ZBTB40: variants seen among roughly 807,000 people sequenced by gnomAD.
The protein encoded by ZBTB40 is zinc finger and BTB domain-containing protein 40.
In ZBTB40, 60 loss-of-function variants were observed where a neutral mutation model predicts 117.5. The ratio of observed to expected loss-of-function variants is 0.51; its 90% confidence interval spans 0.41 to 0.63. The LOEUF (loss-of-function observed/expected upper bound fraction) is 0.63, where lower values mean the gene tolerates loss of function less well. ZBTB40 is among the 30% of genes least tolerant of loss of function. The pLI is 0.00. For synonymous variants in ZBTB40, 525 were observed against 577.1 expected (o/e 0.91, Z 1.29); for missense variants, 1,287 against 1,498.5 (o/e 0.86, Z 2.33).
At chr1:22,467,490 T>C (rs914968003) in intron 1 of ZBTB40, among the ~76,000 whole-genome samples, 1 of 152,210 alleles carries the variant, frequency 6.6e-6, no homozygotes, top group Non-Finnish European at 1.5e-5. Context: ...GTTTTTGTTT[T>C]TTGAGACAGA....
chr1:22,454,306 T>C (rs1640955629), intron 1 of ZBTB40, among the ~76,000 whole-genome samples: 1 of 152,188 alleles, frequency 6.6e-6, no homozygotes, highest in Non-Finnish European at 1.5e-5. Context: ...CTAGGTCCTG[T>C]GATTACCAGG....
At chr1:22,437,701 T>A (rs933754771) in intron 1 of ZBTB40, among the ~76,000 whole-genome samples, 26 of 151,502 alleles carry the variant, frequency 1.7e-4, no homozygotes, top group African/African-American at 6.3e-4. Context: ...ATTACAGGCG[T>A]GAGCCACTGT....
In ZBTB40 at chr1:22,511,929, G is replaced by T; in HGVS notation, c.2256G>T (p.Lys752Asn). The T allele has an allele frequency of 6.2e-7, 1 of 1,614,212 alleles. No homozygotes were observed. The highest frequency in any genetic ancestry group is 1.1e-5 in the South Asian group (1 of 91,078). The change falls in exon 11 of 18, where the codon AAG (lysine) becomes AAT (asparagine). Residue 752 changes from lysine to asparagine, a missense_variant. By Grantham distance (94) the Lys-to-Asn change is moderately conservative (BLOSUM62 0). This residue lies in a region of ZBTB40 where 870 missense variants were observed against 934.4 expected (regional missense o/e 0.93). Transcript: ENST00000375647. Reference protein sequence around the residue: ...DKSFHFYCRLKVHMKRCRVAK... With the variant: ...DKSFHFYCRLNVHMKRCRVAK... ...GCTTCCATTTCTACTGCCGCCTAAA[G>T]GTGCACATGAAGCGCTGCCGGGTGG...
chr1:22,511,137 C>T (rs200938396), intron 9 of ZBTB40, 42 bp from the exon 10 acceptor site: 119 of 1,573,590 alleles, frequency 7.6e-5, no homozygotes, highest in Non-Finnish European at 9.9e-5. Flanking sequence ...GGAAAATCTG[C>T]TGAGATTAAC....
intron 13 of ZBTB40, among the ~76,000 whole-genome samples, chr1:22,518,294 T>C (rs1639428928): frequency 1.3e-5 from 2 of 152,130 alleles, no homozygotes; most frequent in African/African-American, 4.8e-5. Flanking sequence ...AACAAATTTA[T>C]TTACCATTCT....
intron 5 of ZBTB40, among the ~76,000 whole-genome samples, chr1:22,502,724 C>T (rs1407752328): frequency 6.6e-6 from 1 of 151,888 alleles, no homozygotes; most frequent in African/African-American, 2.4e-5. Context: ...GATGGATGGA[C>T]GGACGGACGG....
chr1:22,469,343 A>G lies in ZBTB40; in HGVS notation c.-70+17339A>G, dbSNP rs887559072. On this transcript the variant is annotated intron_variant, in intron 1 of 17. Coordinates refer to ENST00000375647, the MANE Select transcript of ZBTB40 (RefSeq NM_014870.4). ...TTTTTTTAAGAGACACAGTCTCACT[A>G]TGTTGCCCAGGATAGAGTGTGGTGT... is the stretch of plus-strand genomic sequence containing the variant. 6.6e-5 allele frequency among the ~76,000 whole-genome samples: 10 copies of G among 152,062 alleles called. No homozygotes were observed. In the East Asian group the frequency reaches 9.7e-4, roughly 15 times the overall value.
rs11578835 is a variant in ZBTB40 at position 22,454,150 on chromosome 1, A to G, written c.-70+2146A>G. 2.1e-4 allele frequency among the ~76,000 whole-genome samples: 32 copies of G among 152,274 alleles called. No individual in the cohort carries two copies. In the Middle Eastern group the frequency reaches 0.017, roughly 81 times the overall value. On this transcript the variant is annotated intron_variant, in intron 1 of 17. Coordinates refer to ENST00000375647, the MANE Select transcript of ZBTB40 (RefSeq NM_014870.4). ...GTGTTTTTAGTAGAGACAGAGTTTC[A>G]CCATGTTGTTCAGGCTGGTCTTGAA...
At chr1:22,431,396 ATATATATATATATG>A (rs1364225390) in intron 1 of ZBTB40, among the ~76,000 whole-genome samples, 10 of 135,404 alleles carry the variant, frequency 7.4e-5, no homozygotes, top group African/African-American at 2.4e-4. Context: ...ATATATATAT[ATATATATATATATG>A]TATATATAGT....
rs117573953 is a variant in ZBTB40, at chr1:22,494,830, C to T, written c.831+3297C>T. Among the ~76,000 whole-genome samples, 563 of 152,212 alleles carry T rather than the reference C, an allele frequency of 3.7e-3. 29 individuals carry two copies. The East Asian group carries it at 0.084, about 23-fold the overall frequency. ...TCTTGACAGCAGAGAAATCCTGCCA[C>T]GTGTGTGATTATTTTGGGGGAAGTA... On this transcript the variant is annotated intron_variant, in intron 3 of 17. Coordinates refer to ENST00000375647, the MANE Select transcript of ZBTB40 (RefSeq NM_014870.4).
Position 22,502,316 on chromosome 1 carries a change from A to G in ZBTB40, c.1042A>G (p.Lys348Glu), listed in dbSNP as rs749914728. ...VQPKGSTEEG[K>E]TLSVLLLEHK... is the part of the protein sequence containing the mutation. ...TCCCCCAGGGAGCACAGAGGAGGGA[A>G]AGACCTTGTCTGTTCTGTTACTAGA... Residue 348 changes from lysine to glutamate, a missense_variant, in exon 5 of 18, where the codon AAG becomes GAG. Transcript: ENST00000375647. 1.2e-6 allele frequency: 2 copies of G among 1,613,806 alleles called. No individual in the cohort carries two copies. The highest frequency in any genetic ancestry group is 1.7e-6 in the Non-Finnish European group (2 of 1,179,796).
In ZBTB40 at chr1:22,491,529, A is replaced by C. The variant is rs746226835; in HGVS notation, c.827A>C (p.Lys276Thr). The change falls in exon 3 of 18, where the codon AAG becomes ACG. Residue 276 changes from lysine (K) to threonine (T), a missense_variant. Lys to Thr is a moderately conservative substitution (Grantham distance 78). This residue lies in a region of ZBTB40 where 870 missense variants were observed against 934.4 expected (regional missense o/e 0.93). Transcript: ENST00000375647. ...EMCSEIKGPQ[K>T]EMIVKCFEGE... ...TGTTCAGAAATTAAAGGTCCACAGA[A>C]GGAGGTAGGCACCTCTGACTTTTGT... 7 of 1,613,954 alleles carry C rather than the reference A, an allele frequency of 4.3e-6. No individual in the cohort carries two copies. Among genetic ancestry groups the C allele is most frequent in the Non-Finnish European group, 5.1e-6 (6 of 1,179,876 alleles).
rs751948484 is a variant in ZBTB40, at chr1:22,520,051, G to A, written c.2834-10G>A. 35 of 1,613,618 alleles carry A rather than the reference G, an allele frequency of 2.2e-5. No homozygotes were observed. The highest frequency in any genetic ancestry group is 3.3e-4 in the Middle Eastern group (2 of 6,082). On this transcript the variant is annotated splice_polypyrimidine_tract_variant and intron_variant, in intron 13 of 17. Transcript: ENST00000375647. ...CACCTCTTCCTCTCATGGATGTCCC[G>A]TGAAACTAGACATAGAAGATCCTTA...
At position 22,490,032 on chromosome 1, in the gene ZBTB40, C is replaced by G. The variant is rs1371124969; in HGVS notation, c.84C>G (p.Ile28Met). The G allele has an allele frequency of 6.2e-7, 1 of 1,614,148 alleles. No homozygotes were observed. Among genetic ancestry groups the G allele is most frequent in the South Asian group, 1.1e-5 (1 of 91,068 alleles). ...AGCAGCAGTTCTGTGATTGCACCAT[C>G]TCCATTGGTACCATTTACTTCAGGG... The part of the protein sequence containing the change: ...CKEQQFCDCT[I>M]SIGTIYFRAH... The change falls in exon 2 of 18, where the codon ATC becomes ATG. Residue 28 changes from isoleucine to methionine, a missense_variant. Coordinates refer to ENST00000375647, the MANE Select transcript of ZBTB40 (RefSeq NM_014870.4).
Position 22,490,522 on chromosome 1 carries a change from A to G in ZBTB40, c.574A>G (p.Thr192Ala), listed in dbSNP as rs1025721217. Residue 192 changes from threonine (T) to alanine (A), a missense_variant, in exon 2 of 18, where the codon ACA (threonine) becomes GCA (alanine). Physicochemically the swap from Thr to Ala is moderately conservative, Grantham distance 58 (BLOSUM62 0). Transcript: ENST00000375647. Reference sequence around the variant, plus strand: ...ACAAGAGATGAGTGTGAATTCTCCCACAGCCCAGGAGAGCCAGAGGAATGC... The same window carrying G: ...ACAAGAGATGAGTGTGAATTCTCCCGCAGCCCAGGAGAGCCAGAGGAATGC... ...VSQEMSVNSPTAQESQRNAET... is the reference protein window; with the variant it reads ...VSQEMSVNSPAAQESQRNAET... 2 of 1,607,296 alleles carry G rather than the reference A, an allele frequency of 1.2e-6. No individual in the cohort carries two copies. Among genetic ancestry groups the G allele is most frequent in the Non-Finnish European group, 1.7e-6 (2 of 1,176,768 alleles).
At chr1:22,433,281 A>G (rs904833406) in intron 1 of ZBTB40, among the ~76,000 whole-genome samples, 2 of 151,270 alleles carry the variant, frequency 1.3e-5, no homozygotes, top group African/African-American at 4.9e-5. Context: ...AAAATACAAA[A>G]AATTAGCTAG....
At chr1:22,433,563 A>C (rs1640629855) in intron 1 of ZBTB40, among the ~76,000 whole-genome samples, 1 of 146,890 alleles carries the variant, frequency 6.8e-6, no homozygotes, top group Middle Eastern at 3.6e-3. Flanking sequence ...TGTGTAGGTT[A>C]TATGCAAATA....
chr1:22,454,145 G>A (rs1052524679), intron 1 of ZBTB40, among the ~76,000 whole-genome samples: 3 of 152,130 alleles, frequency 2.0e-5, no homozygotes, highest in Admixed American at 2.0e-4. Context: ...TAGAGACAGA[G>A]TTTCACCATG....
intron 1 of ZBTB40, among the ~76,000 whole-genome samples, chr1:22,432,189 CTTCTGGCTTGTA>C (rs1477389378): frequency 4.6e-5 from 7 of 152,168 alleles, no homozygotes; most frequent in Admixed American, 4.6e-4. Flanking sequence ...GGGTGCTTTT[CTTCTGGCTTGTA>C]TAATGCAGCT....
Sources: gnomAD v4.1 joint callset for allele counts (sites outside exome capture counted in the v4.1 genomes callset) on GRCh38, gnomAD v4.1.1 for gene constraint, gnomAD v4.1.1 regional missense constraint, MANE v1.5 for transcripts, NCBI Gene and HGNC (gene_info 2026-07-23, HGNC 2026-07-21) for gene names.